The following SH3PXD2B variants were observed in gnomAD, a reference collection of about 807,000 sequenced individuals.
SH3PXD2B encodes the protein SH3 and PX domain-containing protein 2B.
In SH3PXD2B, 37 loss-of-function variants were observed where a neutral mutation model predicts 73.1. That is an observed-to-expected ratio of 0.51 (90% CI 0.39 to 0.67). The LOEUF is 0.67. Among genes scored for constraint, SH3PXD2B ranks in the 30% least tolerant of loss-of-function variants. The probability of loss-of-function intolerance (pLI) is 0.00; values close to 1 mark genes in which losing one functional copy is unlikely to be tolerated. For synonymous variants in SH3PXD2B, 457 were observed against 480.5 expected, an observed-to-expected ratio of 0.95 and a Z score of 0.64; for missense variants, 1,053 against 1,197.8, an observed-to-expected ratio of 0.88 and a Z score of 1.78.
At position 172,334,550 on chromosome 5, in the gene SH3PXD2B, A is replaced by C. The variant is rs1418553671; in HGVS notation, c.*3819T>G. 1.6e-5 allele frequency: 16 copies of C among 985,366 alleles called. No homozygotes were observed. Among genetic ancestry groups the C allele is most frequent in the African/African-American group, 1.8e-5 (1 of 57,132 alleles). 61.0% of individuals were successfully genotyped at this position (985,366 alleles called of 1,614,324 possible). A position where few individuals can be genotyped will look rare whatever the true frequency, so the allele number is the denominator to read the frequency against. On this transcript the variant is annotated 3_prime_UTR_variant, in exon 13 of 13. Coordinates refer to ENST00000311601, the MANE Select transcript of SH3PXD2B (RefSeq NM_001017995.3). ...ACAGCCACACATGGCTCAGGCTGTTAGGTGTCCACTGTCACAGTCCAAAGA... is the reference window on the plus strand; with the variant it reads ...ACAGCCACACATGGCTCAGGCTGTTCGGTGTCCACTGTCACAGTCCAAAGA...
rs976835690 is a variant in SH3PXD2B at position 172,407,369 on chromosome 5, C to G, written c.157-1017G>C. 3.9e-5 allele frequency among the ~76,000 whole-genome samples: 6 copies of G among 152,336 alleles called. No individual in the cohort carries two copies. The South Asian group carries it at 1.0e-3, about 26-fold the overall frequency. On this transcript the variant is annotated intron_variant, in intron 2 of 12. Coordinates refer to ENST00000311601, the MANE Select transcript of SH3PXD2B (RefSeq NM_001017995.3). Reference sequence around the variant, plus strand: ...ATGCTTTCCCACTTGCTATTTCCCTCTTCCATGGGGATTGGCCACTCTCCA... The same window carrying G: ...ATGCTTTCCCACTTGCTATTTCCCTGTTCCATGGGGATTGGCCACTCTCCA...
chr5:172,408,086 C>A (rs1047839168), intron 2 of SH3PXD2B, among the ~76,000 whole-genome samples: 1 of 152,090 alleles, frequency 6.6e-6, no homozygotes, highest in Non-Finnish European at 1.5e-5. Context: ...CTTGGCTGCG[C>A]ATCCTGGAAG....
intron 12 of SH3PXD2B, chr5:172,325,406 A>T (rs1171738103): frequency 2.0e-6 from 3 of 1,496,440 alleles, no homozygotes; most frequent in Non-Finnish European, 2.7e-6. Context: ...GAGAAAAATC[A>T]GCAAATCTTC....
chr5:172,350,736 G>A, intron 9 of SH3PXD2B, 147 bp from the exon 10 acceptor site: 1 of 759,606 alleles, frequency 1.3e-6, no homozygotes. Flanking sequence ...CACACACTGT[G>A]CATTTCCTCT....
At chr5:172,444,381 G>A (rs1031315361) in intron 1 of SH3PXD2B, among the ~76,000 whole-genome samples, 1 of 152,100 alleles carries the variant, frequency 6.6e-6, no homozygotes, top group Non-Finnish European at 1.5e-5. Context: ...AATACATTCT[G>A]TTTGGCTTAA....
chr5:172,348,634 C>G (rs988272228), intron 10 of SH3PXD2B, among the ~76,000 whole-genome samples: 14 of 67,594 alleles, frequency 2.1e-4, no homozygotes, highest in African/African-American at 1.2e-3. Flanking sequence ...ATGTATCTAT[C>G]TATGTATCTA....
At position 172,336,023 on chromosome 5, in the gene SH3PXD2B, G is replaced by A. The variant is rs992602076; in HGVS notation, c.*2346C>T. ...GTCTGCTCCTACCCAGCTGACCCCC[G>A]GGAGGAAGGAATGAAGCAAGAGAGA... is the stretch of plus-strand genomic sequence containing the variant. On this transcript the variant is annotated 3_prime_UTR_variant, in exon 13 of 13. Transcript: ENST00000311601. 8.0e-6 allele frequency: 8 copies of A among 1,002,668 alleles called. No homozygotes were observed. The highest frequency in any genetic ancestry group is 6.9e-5 in the African/African-American group (4 of 58,074). 62.1% of individuals were successfully genotyped at this position (1,002,668 alleles called of 1,614,324 possible). A position where few individuals can be genotyped will look rare whatever the true frequency, so the allele number is the denominator to read the frequency against.
At chr5:172,439,156 C>T (rs1475657705) in intron 1 of SH3PXD2B, among the ~76,000 whole-genome samples, 4 of 150,742 alleles carry the variant, frequency 2.7e-5, no homozygotes, top group Non-Finnish European at 5.9e-5. Flanking sequence ...GGGAGAATCA[C>T]TTGAACCCTG....
At chr5:172,437,545 C>T (rs1240026980) in intron 1 of SH3PXD2B, among the ~76,000 whole-genome samples, 4 of 152,192 alleles carry the variant, frequency 2.6e-5, no homozygotes, top group Non-Finnish European at 4.4e-5. Flanking sequence ...ACTTTCTTCT[C>T]CCAGCATCCC....
chr5:172,326,694 A>G (rs1435832067), intron 12 of SH3PXD2B, among the ~76,000 whole-genome samples: 1 of 152,152 alleles, frequency 6.6e-6, no homozygotes, highest in African/African-American at 2.4e-5. Flanking sequence ...TTCTTTTCAC[A>G]TGGTTTGTAC....
Position 172,337,322 on chromosome 5 carries a change from G to C in SH3PXD2B, c.*1047C>G, listed in dbSNP as rs573715633. The stretch of plus-strand genomic sequence containing the variant: ...CCTGCCTGGTTTGTCTTTTACAGAG[G>C]GGAGGGCACAGGCACTGAAGTCAGG... On this transcript the variant is annotated 3_prime_UTR_variant, in exon 13 of 13. Coordinates refer to ENST00000311601, the MANE Select transcript of SH3PXD2B (RefSeq NM_001017995.3). 101 of 985,430 alleles carry C rather than the reference G, an allele frequency of 1.0e-4. No individual in the cohort carries two copies. Among genetic ancestry groups the C allele is most frequent in the Non-Finnish European group, 1.2e-4 (99 of 830,026 alleles). The allele number at this position is 985,430 out of a possible 1,614,324, so 61.0% of individuals were successfully genotyped here.
chr5:172,375,833 G>C (rs992272480), intron 5 of SH3PXD2B, among the ~76,000 whole-genome samples: 6 of 152,058 alleles, frequency 3.9e-5, no homozygotes, highest in Non-Finnish European at 7.4e-5. Context: ...ACAAGTTTTT[G>C]TATGGACATG....
intron 1 of SH3PXD2B, among the ~76,000 whole-genome samples, chr5:172,439,669 TGCGTGC>T (rs1453862975): frequency 8.3e-6 from 1 of 120,378 alleles, no homozygotes; most frequent in Non-Finnish European, 1.8e-5. Flanking sequence ...GGTATGTGTG[TGCGTGC>T]GTGCGCGCAC....
chr5:172,339,085 T>C lies in SH3PXD2B; in HGVS notation c.2020A>G (p.Lys674Glu). The change falls in exon 13 of 13, where the codon AAG (lysine) becomes GAG (glutamate). Residue 674 changes from lysine (K) to glutamate (E), a missense_variant. Lys to Glu is a moderately conservative substitution (Grantham distance 56, BLOSUM62 1). Coordinates refer to ENST00000311601, the MANE Select transcript of SH3PXD2B (RefSeq NM_001017995.3). This position sits in a 1 kb window ranked among gnomAD's most constrained non-coding sequence, Gnocchi z 6.1. ...TCCAACAAGGACTTGTCTTGGGACT[T>C]GGCAGGCCTGAGCTTACTCCTGAGG... ...CNLRSKLRPA[K>E]SQDKSLLDGE... is the part of the protein sequence containing the mutation. 6.2e-7 allele frequency: 1 copy of C among 1,614,238 alleles called. No homozygotes were observed. Among genetic ancestry groups the C allele is most frequent in the Middle Eastern group, 1.6e-4 (1 of 6,062 alleles).
chr5:172,394,743 G>T, intron 3 of SH3PXD2B, 104 bp from the exon 4 acceptor site: 1 of 1,219,268 alleles, frequency 8.2e-7, no homozygotes, highest in Non-Finnish European at 1.2e-6. Context: ...GGTCTGAGTG[G>T]TGCCAAAATT....
In SH3PXD2B at chr5:172,448,314, C is replaced by T. The variant is rs147658130; in HGVS notation, c.75+5964G>A. Among the ~76,000 whole-genome samples, 752 of 152,326 alleles carry T rather than the reference C, an allele frequency of 4.9e-3. 11 individuals are homozygous for T. Among genetic ancestry groups the T allele is most frequent in the African/African-American group, 0.017 (722 of 41,562 alleles). On this transcript the variant is annotated intron_variant, in intron 1 of 12. Coordinates refer to ENST00000311601, the MANE Select transcript of SH3PXD2B (RefSeq NM_001017995.3). ...AAATTTAGATCACGACTATTATTAT[C>T]ATCAATAGTACTTTTCATGACTACC...
intron 2 of SH3PXD2B, among the ~76,000 whole-genome samples, chr5:172,416,847 T>C (rs1264190640): frequency 6.6e-6 from 1 of 151,970 alleles, no homozygotes; most frequent in East Asian, 1.9e-4. Flanking sequence ...TAGCCTGGGC[T>C]ACAGGTGCGC....
At chr5:172,452,026 G>C (rs532664497) in intron 1 of SH3PXD2B, among the ~76,000 whole-genome samples, 7 of 152,346 alleles carry the variant, frequency 4.6e-5, no homozygotes, top group African/African-American at 1.4e-4. Context: ...CCCCTACCAT[G>C]TGACTTTGGC....
chr5:172,414,539 G>T (rs1308771036), intron 2 of SH3PXD2B, among the ~76,000 whole-genome samples: 1 of 151,318 alleles, frequency 6.6e-6, no homozygotes, highest in Non-Finnish European at 1.5e-5. Flanking sequence ...GGTTTTTGCT[G>T]CATGACTTGG....
Sources: allele counts gnomAD v4.1 joint callset (sites outside exome capture counted in the v4.1 genomes callset), GRCh38; gene constraint gnomAD v4.1.1; non-coding constraint Gnocchi (gnomAD v3.1); transcripts MANE v1.5; gene names NCBI Gene and HGNC (gene_info 2026-07-23, HGNC 2026-07-21).